Variants in XKR4 observed in about 807,000 individuals in gnomAD.
XKR4 encodes XK related 4.
XKR4 carries 12 observed loss-of-function variants against 53.9 expected under a neutral mutation model. That is an observed-to-expected ratio of 0.22 (90% CI 0.14 to 0.36). The LOEUF is 0.36. Among genes scored for constraint, XKR4 ranks in the 10% least tolerant of loss-of-function variants. The probability of loss-of-function intolerance (pLI) is 1.00; values close to 1 mark genes in which losing one functional copy is unlikely to be tolerated. For missense variants in XKR4, 799 were observed against 859.5 expected (o/e 0.93, Z 0.88); for synonymous variants, 354 against 362.4 (o/e 0.98, Z 0.26).
chr8:55,256,223 G>T lies in XKR4; in HGVS notation c.807-101455G>T, dbSNP rs143726861. Among the ~76,000 whole-genome samples, 14 of 152,190 alleles carry T rather than the reference G, an allele frequency of 9.2e-5. No homozygotes were observed. In the East Asian group the frequency reaches 2.7e-3, roughly 29 times the overall value. ...AAGTGTGAGGCTGAGAATGAAGGAAGTTGAGACTGAGGACTTGGGTCTTAT... is the reference window on the plus strand; with the variant it reads ...AAGTGTGAGGCTGAGAATGAAGGAATTTGAGACTGAGGACTTGGGTCTTAT... On this transcript the variant is annotated intron_variant, in intron 1 of 2. Transcript: ENST00000327381.
chr8:55,446,082 C>A (rs565574555), intron 2 of XKR4, among the ~76,000 whole-genome samples: 12 of 152,216 alleles, frequency 7.9e-5, no homozygotes, highest in Non-Finnish European at 1.3e-4. Flanking sequence ...TGCTGCTGCA[C>A]TTTGTCCTCC....
chr8:55,250,216 T>G (rs13282376), intron 1 of XKR4, among the ~76,000 whole-genome samples: 119,033 of 151,680 alleles, frequency 0.78, 48,957 homozygotes, highest in Non-Finnish European at 0.92. Context: ...AAGGATAGCT[T>G]TAAGTGAATC....
At chr8:55,297,064 C>T in intron 1 of XKR4, among the ~76,000 whole-genome samples, 1 of 151,832 alleles carries the variant, frequency 6.6e-6, no homozygotes, top group South Asian at 2.1e-4. Flanking sequence ...ATTTCAAAAG[C>T]CTATTCTGTG....
chr8:55,119,590 C>T (rs996053683), intron 1 of XKR4, among the ~76,000 whole-genome samples: 2 of 151,982 alleles, frequency 1.3e-5, no homozygotes, highest in East Asian at 1.9e-4. Context: ...TTGGGGAATG[C>T]GCAGCAATGA....
Position 55,102,941 on chromosome 8 carries a change from C to G in XKR4, c.453C>G (p.Phe151Leu). 1 of 1,611,604 alleles carries G rather than the reference C, an allele frequency of 6.2e-7. No homozygotes were observed. The highest frequency in any genetic ancestry group is 8.5e-7 in the Non-Finnish European group (1 of 1,179,862). ...GGTGGTTCGGGCTCACGCTCTTCTT[C>G]GTGGTGCTCGGCTCTCTGTCGGTGC... is the stretch of plus-strand genomic sequence containing the variant. The part of the protein sequence containing the change: ...QRWWFGLTLF[F>L]VVLGSLSVQV... The change falls in exon 1 of 3, where the codon TTC becomes TTG. Residue 151 changes from phenylalanine to leucine, a missense_variant. Phe to Leu is a conservative substitution (Grantham distance 22). This residue lies in a region of XKR4 where 476 missense variants were observed against 505.4 expected (regional missense o/e 0.94). Transcript: ENST00000327381. This position sits in a 1 kb window ranked among gnomAD's most constrained non-coding sequence, Gnocchi z 5.1.
chr8:55,463,883 G>T (rs1805707180), intron 2 of XKR4, among the ~76,000 whole-genome samples: 1 of 152,062 alleles, frequency 6.6e-6, no homozygotes, highest in South Asian at 2.1e-4. Context: ...TAGAAGAAAT[G>T]GATAAATTCC....
chr8:55,265,428 C>G (rs1184724413), intron 1 of XKR4, among the ~76,000 whole-genome samples: 1 of 152,198 alleles, frequency 6.6e-6, no homozygotes, highest in Non-Finnish European at 1.5e-5. Context: ...GAAAACGAAC[C>G]CATTCCAAAC....
chr8:55,469,787 T>C (rs1056380207), intron 2 of XKR4, among the ~76,000 whole-genome samples: 5 of 152,004 alleles, frequency 3.3e-5, no homozygotes, highest in African/African-American at 1.2e-4. Flanking sequence ...TAGGAACAAA[T>C]CTTGTACTAA....
At chr8:55,466,778 G>A (rs945534755) in intron 2 of XKR4, among the ~76,000 whole-genome samples, 1 of 152,036 alleles carries the variant, frequency 6.6e-6, no homozygotes, top group Non-Finnish European at 1.5e-5. Context: ...GGAGTTTTAG[G>A]TTGTTTCTGG....
intron 2 of XKR4, among the ~76,000 whole-genome samples, chr8:55,436,863 G>A (rs374066294): frequency 6.6e-6 from 1 of 152,174 alleles, no homozygotes. Context: ...AGAGGGCCCG[G>A]TAGCTGGTTC....
chr8:55,302,643 C>T (rs529355876), intron 1 of XKR4, among the ~76,000 whole-genome samples: 2 of 152,026 alleles, frequency 1.3e-5, no homozygotes, highest in Admixed American at 1.3e-4. Context: ...GAATGTTCTT[C>T]CATTTGTTTG....
intron 1 of XKR4, among the ~76,000 whole-genome samples, chr8:55,203,003 G>A (rs937464476): frequency 1.3e-5 from 2 of 152,208 alleles, no homozygotes; most frequent in African/African-American, 2.4e-5. Context: ...TTGAAAGACC[G>A]AGGAGACTGC....
intron 2 of XKR4, among the ~76,000 whole-genome samples, chr8:55,464,828 C>T (rs1041974226): frequency 1.3e-5 from 2 of 152,260 alleles, no homozygotes; most frequent in Admixed American, 1.3e-4. Context: ...CAAAAGCATT[C>T]TTATACACCA....
chr8:55,164,129 A>C (rs756573572), intron 1 of XKR4: 6 of 453,424 alleles, frequency 1.3e-5, no homozygotes, highest in South Asian at 9.4e-5. Flanking sequence ...CCACAGCCCC[A>C]GACCAGCCCT....
chr8:55,175,271 G>A (rs530444127), intron 1 of XKR4, among the ~76,000 whole-genome samples: 279 of 152,268 alleles, frequency 1.8e-3, no homozygotes, highest in South Asian at 6.8e-3. Context: ...AGAAGCTTAG[G>A]TTTTGTAACT....
At chr8:55,515,992 T>G (rs140691018) in intron 2 of XKR4, among the ~76,000 whole-genome samples, 12 of 152,360 alleles carry the variant, frequency 7.9e-5, no homozygotes, top group African/African-American at 2.9e-4. Flanking sequence ...GCAGGACTTC[T>G]GATGCCTGTT....
At chr8:55,177,521 C>G (rs1008514489) in intron 1 of XKR4, among the ~76,000 whole-genome samples, 4 of 152,296 alleles carry the variant, frequency 2.6e-5, no homozygotes, top group South Asian at 4.1e-4. Context: ...AGGGCTGACC[C>G]ATGCACAGTT....
At chr8:55,388,163 C>A (rs1804352416) in intron 2 of XKR4, among the ~76,000 whole-genome samples, 1 of 152,156 alleles carries the variant, frequency 6.6e-6, no homozygotes, top group East Asian at 1.9e-4. Flanking sequence ...GCAACCAGGG[C>A]AGCCTAAACA....
intron 1 of XKR4, among the ~76,000 whole-genome samples, chr8:55,209,682 G>A (rs890569856): frequency 2.0e-5 from 3 of 152,186 alleles, no homozygotes; most frequent in African/African-American, 7.2e-5. Context: ...TGATGTGGCT[G>A]TGAGGCCAGG....
Sources: gnomAD v4.1 joint callset for allele counts (sites outside exome capture counted in the v4.1 genomes callset) on GRCh38, gnomAD v4.1.1 for gene constraint, gnomAD v4.1.1 regional missense constraint, Gnocchi (gnomAD v3.1) non-coding constraint, MANE v1.5 for transcripts, NCBI Gene and HGNC (gene_info 2026-07-23, HGNC 2026-07-21) for gene names.